PCDH9: variants seen among roughly 807,000 people sequenced by gnomAD.
PCDH9 encodes the protein protocadherin-9.
A neutral mutation model predicts 70.6 loss-of-function variants in PCDH9; 24 were observed. The observed-to-expected ratio is 0.34, with a 90% CI of 0.25 to 0.48. PCDH9 has a LOEUF of 0.48. PCDH9 is among the 20% of genes least tolerant of loss of function. The probability of loss-of-function intolerance (pLI) is 0.99; values close to 1 mark genes in which losing one functional copy is unlikely to be tolerated. For synonymous variants in PCDH9, 562 were observed against 558.5 expected (o/e 1.01, Z -0.09); for missense variants, 1,281 against 1,503.6 (o/e 0.85, Z 2.45).
At chr13:66,860,347 G>A (rs1448218799) in intron 3 of PCDH9, among the ~76,000 whole-genome samples, 1 of 152,124 alleles carries the variant, frequency 6.6e-6, no homozygotes, top group Non-Finnish European at 1.5e-5. Context: ...GGGAGGGGAG[G>A]GGTGGTGGAG....
intron 4 of PCDH9, among the ~76,000 whole-genome samples, chr13:66,332,168 T>G (rs2138120390): frequency 6.6e-6 from 1 of 152,214 alleles, no homozygotes; most frequent in East Asian, 1.9e-4. Context: ...AGGAAAGAAT[T>G]TCCTTCCAAA....
At chr13:66,369,135 C>T (rs1956603142) in intron 4 of PCDH9, among the ~76,000 whole-genome samples, 1 of 152,096 alleles carries the variant, frequency 6.6e-6, no homozygotes, top group African/African-American at 2.4e-5. Flanking sequence ...TTAGAAATGG[C>T]TGCATCTGCC....
intron 3 of PCDH9, among the ~76,000 whole-genome samples, chr13:66,882,781 T>C (rs2081942808): frequency 6.6e-6 from 1 of 152,168 alleles, no homozygotes; most frequent in African/African-American, 2.4e-5. Context: ...TAGGAGGATG[T>C]TTACAAATAT....
chr13:66,574,169 T>C (rs977242744), intron 4 of PCDH9, among the ~76,000 whole-genome samples: 13 of 152,228 alleles, frequency 8.5e-5, no homozygotes, highest in Non-Finnish European at 1.3e-4. Context: ...AGTTGAGCCA[T>C]TGAATCTCCA....
intron 4 of PCDH9, among the ~76,000 whole-genome samples, chr13:66,391,553 G>T (rs1957018180): frequency 6.6e-6 from 1 of 152,074 alleles, no homozygotes. Flanking sequence ...ATATATTCAG[G>T]TTAGATTCAC....
intron 4 of PCDH9, among the ~76,000 whole-genome samples, chr13:66,434,789 G>A (rs1180075818): frequency 6.6e-6 from 1 of 151,912 alleles, no homozygotes; most frequent in East Asian, 1.9e-4. Flanking sequence ...AAAACATTGT[G>A]AAAATTTCCA....
intron 2 of PCDH9, among the ~76,000 whole-genome samples, chr13:67,025,646 AAAAAT>A (rs2139870756): frequency 6.6e-6 from 1 of 152,248 alleles, no homozygotes; most frequent in East Asian, 1.9e-4. Flanking sequence ...ATAGTATATT[AAAAAT>A]TACTGGGAGG....
chr13:66,371,967 T>G (rs191171591), intron 4 of PCDH9, among the ~76,000 whole-genome samples: 9 of 152,126 alleles, frequency 5.9e-5, no homozygotes, highest in Non-Finnish European at 1.2e-4. Context: ...TTTCTCCTTG[T>G]TTTTTCTCTG....
chr13:66,649,289 A>G (rs1046201161), intron 3 of PCDH9, among the ~76,000 whole-genome samples: 1 of 152,180 alleles, frequency 6.6e-6, no homozygotes, highest in Admixed American at 6.5e-5. Context: ...GGCCAAGGAT[A>G]AAGAAAGGAT....
chr13:67,096,737 G>A (rs1411230206), intron 2 of PCDH9, among the ~76,000 whole-genome samples: 2 of 152,074 alleles, frequency 1.3e-5, no homozygotes, highest in African/African-American at 2.4e-5. Context: ...CATAGTAAAT[G>A]TAAAAGTCTG....
intron 2 of PCDH9, among the ~76,000 whole-genome samples, chr13:67,162,039 T>C (rs547387641): frequency 1.8e-4 from 27 of 152,306 alleles, no homozygotes; most frequent in African/African-American, 6.3e-4. Context: ...CTAAACGACC[T>C]TGGAAGTAGA....
chr13:66,995,046 A>G (rs2084084553), intron 2 of PCDH9, among the ~76,000 whole-genome samples: 1 of 152,234 alleles, frequency 6.6e-6, no homozygotes, highest in Admixed American at 6.5e-5. Context: ...CACTTGATTG[A>G]TAACATGTCA....
chr13:66,996,187 G>A (rs1026793501), intron 2 of PCDH9: 4 of 152,176 alleles, frequency 2.6e-5, no homozygotes, highest in East Asian at 3.8e-4. Flanking sequence ...TATCTTACCA[G>A]CGGGACATTT....
At chr13:66,803,067 G>T (rs556708614) in intron 3 of PCDH9, among the ~76,000 whole-genome samples, 1 of 151,700 alleles carries the variant, frequency 6.6e-6, no homozygotes, top group Non-Finnish European at 1.5e-5. Flanking sequence ...AATCAACTCT[G>T]ACTACACACA....
chr13:66,448,957 A>G (rs778560012), intron 4 of PCDH9, among the ~76,000 whole-genome samples: 3 of 152,118 alleles, frequency 2.0e-5, no homozygotes, highest in Non-Finnish European at 4.4e-5. Context: ...TACTAGTCCA[A>G]TTTCTTCTTA....
chr13:66,348,258 C>T (rs1384790769), intron 4 of PCDH9, among the ~76,000 whole-genome samples: 1 of 152,140 alleles, frequency 6.6e-6, no homozygotes, highest in Admixed American at 6.5e-5. Flanking sequence ...ACTCTTCACC[C>T]CCAATCCCTG....
At chr13:66,411,308 T>G (rs1050069457) in intron 4 of PCDH9, among the ~76,000 whole-genome samples, 2 of 152,236 alleles carry the variant, frequency 1.3e-5, no homozygotes, top group African/African-American at 4.8e-5. Context: ...ATTGTAATTT[T>G]GAAGATTTTG....
intron 4 of PCDH9, among the ~76,000 whole-genome samples, chr13:66,348,184 T>C (rs1268636191): frequency 2.6e-5 from 4 of 152,138 alleles, no homozygotes; most frequent in Non-Finnish European, 2.9e-5. Context: ...TACCCTCTTT[T>C]CTGTCACATT....
intron 4 of PCDH9, among the ~76,000 whole-genome samples, chr13:66,512,546 AC>A (rs1379927775): frequency 2.0e-5 from 3 of 151,842 alleles, no homozygotes; most frequent in Admixed American, 1.3e-4. Context: ...TCTCCACAAT[AC>A]CCCCAGATTC....
Sources: allele counts gnomAD v4.1 joint callset (sites outside exome capture counted in the v4.1 genomes callset), GRCh38; gene constraint gnomAD v4.1.1; transcripts MANE v1.5; gene names NCBI Gene and HGNC (gene_info 2026-07-23, HGNC 2026-07-21).